VAPB: variants seen among roughly 807,000 people sequenced by gnomAD.
VAPB encodes the protein vesicle-associated membrane protein-associated protein B/C.
Under a neutral mutation model 25.6 loss-of-function variants are expected in VAPB, and 7 were observed. The ratio of observed to expected loss-of-function variants is 0.27; its 90% CI spans 0.16 to 0.51. The LOEUF is 0.51. VAPB is among the 20% of genes least tolerant of loss of function. VAPB has a pLI of 0.97. For missense variants in VAPB, 266 were observed against 301.3 expected (o/e 0.88, Z 0.87); for synonymous variants, 112 against 109.2 (o/e 1.03, Z -0.16).
intron 1 of VAPB, among the ~76,000 whole-genome samples, chr20:58,406,427 C>T (rs1170566837): frequency 6.6e-6 from 1 of 152,172 alleles, no homozygotes; most frequent in Non-Finnish European, 1.5e-5. Context: ...AGCTGCTGAC[C>T]TGGTTGATAA....
rs1423936861 is a variant in VAPB, at chr20:58,445,074, GGA to G, written c.*843_*844del. The stretch of plus-strand genomic sequence containing the variant: ...GAGGGCTGTGGGCTCCTCTGTCTCT[GGA>G]GAGTCTGGTCATGTGGAGGTGGGGT... On this transcript the variant is annotated 3_prime_UTR_variant, in exon 6 of 6. Transcript: ENST00000475243. 4 of 454,604 alleles carry G rather than the reference GGA, an allele frequency of 8.8e-6. No homozygotes were observed. The Admixed American group carries it at 9.4e-5, about 11-fold the overall frequency. 28.2% of individuals were successfully genotyped at this position (454,604 alleles called of 1,614,324 possible).
In VAPB at chr20:58,448,445, A is replaced by T. The variant is rs1040275954; in HGVS notation, c.*4210A>T. The T allele has an allele frequency of 2.2e-6, 1 of 453,972 alleles. No individual in the cohort carries two copies. Among genetic ancestry groups the T allele is most frequent in the African/African-American group, 2.0e-5 (1 of 50,000 alleles). 28.1% of individuals were successfully genotyped at this position (453,972 alleles called of 1,614,324 possible). ...TAGAACATTTCCAATACATTCGCTCATTGAACTTAATCCTTGCAACTGTGA... is the reference window on the plus strand; with the variant it reads ...TAGAACATTTCCAATACATTCGCTCTTTGAACTTAATCCTTGCAACTGTGA... On this transcript the variant is annotated 3_prime_UTR_variant, in exon 6 of 6. Coordinates refer to ENST00000475243, the MANE Select transcript of VAPB (RefSeq NM_004738.5).
chr20:58,397,494 G>A (rs929718130), intron 1 of VAPB, among the ~76,000 whole-genome samples: 1 of 151,520 alleles, frequency 6.6e-6, no homozygotes, highest in Admixed American at 6.6e-5. Flanking sequence ...ACTCCAGCCT[G>A]GGCAACAAGA....
chr20:58,399,662 A>G (rs1185255728), intron 1 of VAPB, among the ~76,000 whole-genome samples: 1 of 150,722 alleles, frequency 6.6e-6, no homozygotes, highest in Non-Finnish European at 1.5e-5. Flanking sequence ...GGTTGCAGCT[A>G]GCTGAGATTG....
intron 1 of VAPB, among the ~76,000 whole-genome samples, chr20:58,401,650 C>T (rs1033280931): frequency 1.3e-5 from 2 of 152,144 alleles, no homozygotes; most frequent in African/African-American, 4.8e-5. Context: ...TTCTCCCCCT[C>T]TTCTCCTTTC....
intron 2 of VAPB, among the ~76,000 whole-genome samples, chr20:58,421,814 G>A (rs1389769878): frequency 1.3e-5 from 2 of 152,142 alleles, no homozygotes; most frequent in African/African-American, 4.8e-5. Context: ...AGGTTTTGAA[G>A]GCACACAGGT....
chr20:58,426,167 A>C (rs910663976), intron 2 of VAPB, among the ~76,000 whole-genome samples: 8 of 152,178 alleles, frequency 5.3e-5, no homozygotes, highest in African/African-American at 1.9e-4. Flanking sequence ...AAGTGCTGGG[A>C]TTACAGGTGT....
intron 2 of VAPB, chr20:58,432,540 C>G (rs1988951063): frequency 6.6e-6 from 1 of 152,100 alleles, no homozygotes; most frequent in African/African-American, 2.4e-5. Flanking sequence ...CCAAGGAAGA[C>G]CTGAAATTCT....
intron 1 of VAPB, among the ~76,000 whole-genome samples, chr20:58,411,858 T>A (rs1463781567): frequency 6.6e-6 from 1 of 152,042 alleles, no homozygotes; most frequent in Non-Finnish European, 1.5e-5. Context: ...TTTTTGTATT[T>A]TTAGTAGAGA....
Position 58,440,992 on chromosome 20 carries a change from T to G in VAPB, c.482T>G (p.Leu161Trp). The G allele has an allele frequency of 6.2e-7, 1 of 1,614,016 alleles. No individual in the cohort carries two copies. The highest frequency in any genetic ancestry group is 8.5e-7 in the Non-Finnish European group (1 of 1,179,908). Reference sequence around the variant, plus strand: ...GTGTCTAAGTCTCTGAGTTCTTCTTTGGATGACACCGAAGTTAAGAAGGTT... The same window carrying G: ...GTGTCTAAGTCTCTGAGTTCTTCTTGGGATGACACCGAAGTTAAGAAGGTT... ...PIVSKSLSSS[L>W]DDTEVKKVME... Residue 161 changes from leucine (L) to tryptophan (W), a missense_variant, in exon 5 of 6, where the codon TTG becomes TGG. This residue lies in a region of VAPB where 136 missense variants were observed against 130.7 expected (regional missense o/e 1.04). Coordinates refer to ENST00000475243, the MANE Select transcript of VAPB (RefSeq NM_004738.5).
In VAPB at chr20:58,450,742, T is replaced by A. The variant is rs1291323320; in HGVS notation, c.*6507T>A. The A allele has an allele frequency of 2.2e-6, 1 of 453,770 alleles. No homozygotes were observed. 28.1% of individuals were successfully genotyped at this position (453,770 alleles called of 1,614,324 possible). A position where few individuals can be genotyped will look rare whatever the true frequency, so the allele number is the denominator to read the frequency against. On this transcript the variant is annotated 3_prime_UTR_variant, in exon 6 of 6. Coordinates refer to ENST00000475243, the MANE Select transcript of VAPB (RefSeq NM_004738.5). ...GTATGTTAACATGTTAGGAACTGAG[T>A]ATCTTAAGAGATGTCTTAGAATGCT...
At chr20:58,436,418 C>G (rs1989047616) in intron 3 of VAPB, among the ~76,000 whole-genome samples, 1 of 148,972 alleles carries the variant, frequency 6.7e-6, no homozygotes, top group South Asian at 2.1e-4. Context: ...GCTGCAGCCT[C>G]CACCTCCTGG....
At chr20:58,427,892 CTG>C (rs1188957455) in intron 2 of VAPB, among the ~76,000 whole-genome samples, 5 of 146,996 alleles carry the variant, frequency 3.4e-5, no homozygotes, top group East Asian at 2.1e-4. Flanking sequence ...CGAAAGTGAT[CTG>C]TGATCTGTTA....
rs988938500 is a variant in VAPB at position 58,447,655 on chromosome 20, TGTGTGTGC to T, written c.*3421_*3428del. 43 of 326,394 alleles carry T rather than the reference TGTGTGTGC, an allele frequency of 1.3e-4. No homozygotes were observed. The highest frequency in any genetic ancestry group is 3.4e-4 in the African/African-American group (5 of 14,680). The allele number at this position is 326,394 out of a possible 1,614,324, so 20.2% of individuals were successfully genotyped here. A position where few individuals can be genotyped will look rare whatever the true frequency, so the allele number is the denominator to read the frequency against. On this transcript the variant is annotated 3_prime_UTR_variant, in exon 6 of 6. Transcript: ENST00000475243. ...GATGAATTTGAAAACAGACTCTGTG[TGTGTGTGC>T]ATGTGTGCATGTGTGCATGTGTGGC...
chr20:58,404,490 T>C (rs1165685853), intron 1 of VAPB, among the ~76,000 whole-genome samples: 1 of 152,212 alleles, frequency 6.6e-6, no homozygotes, highest in Non-Finnish European at 1.5e-5. Flanking sequence ...TTTGATAGGA[T>C]GCTTTATAGA....
At chr20:58,411,171 T>C (rs1211069101) in intron 1 of VAPB, among the ~76,000 whole-genome samples, 1 of 152,234 alleles carries the variant, frequency 6.6e-6, no homozygotes, top group Non-Finnish European at 1.5e-5. Flanking sequence ...GTTCCTGTTG[T>C]TCCACATCCT....
At chr20:58,439,855 G>A (rs1216083396) in intron 4 of VAPB, 1 of 152,098 alleles carries the variant, frequency 6.6e-6, no homozygotes, top group Admixed American at 6.5e-5. Flanking sequence ...CAACCTAGTC[G>A]AAAACATTTT....
Position 58,449,959 on chromosome 20 carries a change from C to T in VAPB, c.*5724C>T, listed in dbSNP as rs1015970543. The stretch of plus-strand genomic sequence containing the variant: ...CTTTTTTTTTCCCTTTGGAAAATGC[C>T]AACTAAGGGAGACTAATCAGATATC... On this transcript the variant is annotated 3_prime_UTR_variant, in exon 6 of 6. Transcript: ENST00000475243. 1 of 453,772 alleles carries T rather than the reference C, an allele frequency of 2.2e-6. No homozygotes were observed. 28.1% of individuals were successfully genotyped at this position (453,772 alleles called of 1,614,324 possible).
rs561413228 is a variant in VAPB, at chr20:58,432,615, A to G, written c.212-1987A>G. Among the ~76,000 whole-genome samples, 163 of 152,362 alleles carry G rather than the reference A, an allele frequency of 1.1e-3. 3 individuals carry two copies. Among genetic ancestry groups the G allele is most frequent in the South Asian group, 2.3e-3 (11 of 4,824 alleles). On this transcript the variant is annotated intron_variant, in intron 2 of 5. Transcript: ENST00000475243. ...ATCTAACAGTGAATCCCAGCTCCAA[A>G]GAAGGTTGACAGTCCCTGTCCAGGA...
Sources: allele counts gnomAD v4.1 joint callset (sites outside exome capture counted in the v4.1 genomes callset), GRCh38; gene constraint gnomAD v4.1.1; regional missense constraint gnomAD v4.1.1; transcripts MANE v1.5; gene names NCBI Gene and HGNC (gene_info 2026-07-23, HGNC 2026-07-21).